CMIP: variants seen among roughly 807,000 people sequenced by gnomAD.
CMIP encodes the protein c-Maf inducing protein, also known as C-Maf-inducing protein.
A neutral mutation model predicts 97.3 loss-of-function variants in CMIP; 13 were observed. The ratio of observed to expected loss-of-function variants is 0.13; its 90% confidence interval spans 0.09 to 0.21. The LOEUF (loss-of-function observed/expected upper bound fraction) is 0.21, where lower values mean the gene tolerates loss of function less well. Ranked by LOEUF, CMIP falls within the 10% of genes least tolerant of loss-of-function variation. The pLI is 1.00. For missense variants in CMIP, 847 were observed against 1,024.9 expected (o/e 0.83, Z 2.37); for synonymous variants, 538 against 436.3 (o/e 1.23, Z -2.91).
intron 20 of CMIP, among the ~76,000 whole-genome samples, chr16:81,709,278 A>G (rs1390909489): frequency 6.6e-6 from 1 of 152,200 alleles, no homozygotes; most frequent in Non-Finnish European, 1.5e-5. Flanking sequence ...AGTAAAAATG[A>G]GAACAATTTC....
chr16:81,648,636 A>G (rs1230524044), intron 3 of CMIP, among the ~76,000 whole-genome samples: 1 of 151,878 alleles, frequency 6.6e-6, no homozygotes, highest in Non-Finnish European at 1.5e-5. Flanking sequence ...TACAAAAATT[A>G]GCTGGGCATG....
At chr16:81,474,995 T>C (rs1907809139) in intron 1 of CMIP, among the ~76,000 whole-genome samples, 1 of 152,192 alleles carries the variant, frequency 6.6e-6, no homozygotes, top group Non-Finnish European at 1.5e-5. Flanking sequence ...TAAGGAGCCT[T>C]CAGCAACATG....
At position 81,693,164 on chromosome 16, in the gene CMIP, C is replaced by A; in HGVS notation, c.1461C>A (p.Leu487=). 6.2e-7 allele frequency: 1 copy of A among 1,612,916 alleles called. No individual in the cohort carries two copies. Among genetic ancestry groups the A allele is most frequent in the Middle Eastern group, 1.6e-4 (1 of 6,062 alleles). The stretch of plus-strand genomic sequence containing the variant: ...TCCCCTGTTTTTGTTGCAGAGCTCT[C>A]GCACATGAGAAGTTCACCAAGTGAG... ...LQPIPFPKEA[L]AHEKFTKELK... Residue 487 remains leucine (L), a synonymous_variant, in exon 12 of 21, where the codon CTC becomes CTA. Transcript: ENST00000537098.
intron 6 of CMIP, among the ~76,000 whole-genome samples, chr16:81,662,098 C>G (rs890412574): frequency 6.6e-6 from 1 of 152,150 alleles, no homozygotes; most frequent in African/African-American, 2.4e-5. Context: ...ATCATGCCCC[C>G]AGAAGAGTGG....
chr16:81,541,347 T>C (rs1306828437), intron 1 of CMIP, among the ~76,000 whole-genome samples: 5 of 152,216 alleles, frequency 3.3e-5, no homozygotes, highest in Non-Finnish European at 5.9e-5. Flanking sequence ...AGTGAGTCTT[T>C]TTGGAGATGT....
At chr16:81,451,458 G>A (rs904846699) in intron 1 of CMIP, among the ~76,000 whole-genome samples, 2 of 152,186 alleles carry the variant, frequency 1.3e-5, no homozygotes, top group African/African-American at 4.8e-5. Flanking sequence ...GCGTGGGAAC[G>A]GACTAATACA....
chr16:81,623,566 C>G (rs1010194605), intron 3 of CMIP, among the ~76,000 whole-genome samples: 2 of 152,140 alleles, frequency 1.3e-5, no homozygotes. Flanking sequence ...TATGCTGCCA[C>G]CAGGTGGCAG....
intron 16 of CMIP, 95 bp downstream of exon 16, chr16:81,701,895 A>G: frequency 6.8e-7 from 1 of 1,469,594 alleles, no homozygotes; most frequent in South Asian, 1.2e-5. Context: ...ACCTGAGTGG[A>G]CCTCAATCTC....
intron 3 of CMIP, among the ~76,000 whole-genome samples, chr16:81,623,382 T>G (rs1243515069): frequency 6.6e-6 from 1 of 152,242 alleles, no homozygotes; most frequent in Non-Finnish European, 1.5e-5. Context: ...TAAAAAATTT[T>G]CAGAAAACCT....
At chr16:81,612,079 A>G (rs537139358) in intron 2 of CMIP, among the ~76,000 whole-genome samples, 6 of 152,284 alleles carry the variant, frequency 3.9e-5, no homozygotes, top group South Asian at 2.1e-4. Context: ...CTAGCATTTC[A>G]TTGTGGGGAG....
At chr16:81,490,853 G>T (rs1198881907) in intron 1 of CMIP, among the ~76,000 whole-genome samples, 1 of 152,114 alleles carries the variant, frequency 6.6e-6, no homozygotes, top group East Asian at 1.9e-4. Flanking sequence ...GGAGGCATAG[G>T]GAGCACTTGA....
At chr16:81,613,968 T>C (rs913054869) in intron 2 of CMIP, among the ~76,000 whole-genome samples, 2 of 152,176 alleles carry the variant, frequency 1.3e-5, no homozygotes, top group Non-Finnish European at 2.9e-5. Flanking sequence ...CAGACGTGGT[T>C]CCTGACCTCC....
chr16:81,568,051 T>G (rs1321794065), intron 1 of CMIP, among the ~76,000 whole-genome samples: 4 of 149,986 alleles, frequency 2.7e-5, no homozygotes, highest in Non-Finnish European at 5.9e-5. Flanking sequence ...TTTTTTTTTT[T>G]TTTTTTTTTG....
At chr16:81,706,588 G>A (rs1159429636) in intron 19 of CMIP, among the ~76,000 whole-genome samples, 2 of 152,236 alleles carry the variant, frequency 1.3e-5, no homozygotes, top group African/African-American at 4.8e-5. Context: ...TGCCCCCCGT[G>A]CGACTCCAAC....
chr16:81,497,301 C>T (rs1270366811), intron 1 of CMIP, among the ~76,000 whole-genome samples: 1 of 152,142 alleles, frequency 6.6e-6, no homozygotes, highest in Non-Finnish European at 1.5e-5. Flanking sequence ...TTTTTCATAC[C>T]TTGTATTGGT....
At chr16:81,696,304 C>T in intron 13 of CMIP, 1 of 562,824 alleles carries the variant, frequency 1.8e-6, no homozygotes, top group Non-Finnish European at 3.2e-6. Context: ...GCCAATCAAG[C>T]CGGGGCCTGC....
chr16:81,626,461 GTA>G (rs1428732184), intron 3 of CMIP, among the ~76,000 whole-genome samples: 5 of 143,790 alleles, frequency 3.5e-5, no homozygotes, highest in African/African-American at 1.0e-4. Flanking sequence ...GTGTGTGTGT[GTA>G]TGTGTGGCAT....
At chr16:81,659,945 T>TAA (rs1303645174) in intron 5 of CMIP, among the ~76,000 whole-genome samples, 1 of 152,234 alleles carries the variant, frequency 6.6e-6, no homozygotes, top group East Asian at 1.9e-4. Context: ...TTCCAACAGT[T>TAA]ACATCCTCTT....
chr16:81,551,210 C>T (rs1431393093), intron 1 of CMIP, among the ~76,000 whole-genome samples: 4 of 151,250 alleles, frequency 2.6e-5, no homozygotes, highest in African/African-American at 9.7e-5. Context: ...CCATCACACG[C>T]ACCCCAGTTC....
Sources: gnomAD v4.1 joint callset for allele counts (sites outside exome capture counted in the v4.1 genomes callset) on GRCh38, gnomAD v4.1.1 for gene constraint, MANE v1.5 for transcripts, NCBI Gene and HGNC (gene_info 2026-07-23, HGNC 2026-07-21) for gene names.